The following MAST2 variants were observed in gnomAD, a reference collection of about 807,000 sequenced individuals.
MAST2 encodes microtubule associated serine/threonine kinase 2, also known as microtubule-associated serine/threonine-protein kinase 2.
Under a neutral mutation model 147.4 loss-of-function variants are expected in MAST2, and 70 were observed. The ratio of observed to expected loss-of-function variants is 0.47; its 90% CI spans 0.39 to 0.58. MAST2 has a LOEUF of 0.58. Among genes scored for constraint, MAST2 ranks in the 20% least tolerant of loss-of-function variants. The probability of loss-of-function intolerance (pLI) is 0.00; values close to 1 mark genes in which losing one functional copy is unlikely to be tolerated. For synonymous variants in MAST2, 869 were observed against 896.8 expected (o/e 0.97, Z 0.55); for missense variants, 2,080 against 2,302.3 (o/e 0.90, Z 1.98).
At position 46,023,581 on chromosome 1, in the gene MAST2, A is replaced by G; in HGVS notation, c.1572-191A>G. On this transcript the variant is annotated intron_variant, in intron 14 of 28. Transcript: ENST00000361297. This position sits in a 1 kb window ranked among gnomAD's most constrained non-coding sequence, Gnocchi z 4.9. ...TGGGGAAGCATTGAGCCGTGTCATCAGGACATGGTCTATCAAGAAGTTTAA... is the reference window on the plus strand; with the variant it reads ...TGGGGAAGCATTGAGCCGTGTCATCGGGACATGGTCTATCAAGAAGTTTAA... 1.6e-6 allele frequency: 1 copy of G among 631,136 alleles called. No homozygotes were observed. Among genetic ancestry groups the G allele is most frequent in the Non-Finnish European group, 2.8e-6 (1 of 359,990 alleles). 39.1% of individuals were successfully genotyped at this position (631,136 alleles called of 1,614,324 possible). A position where few individuals can be genotyped will look rare whatever the true frequency, so the allele number is the denominator to read the frequency against.
intron 8 of MAST2, among the ~76,000 whole-genome samples, chr1:46,007,565 A>T (rs1343510602): frequency 1.3e-5 from 2 of 152,216 alleles, no homozygotes; most frequent in African/African-American, 4.8e-5. Flanking sequence ...ATTCCAGGGA[A>T]GAAAGACAGA....
intron 4 of MAST2, among the ~76,000 whole-genome samples, chr1:45,912,597 C>T (rs1328739798): frequency 6.6e-6 from 1 of 152,170 alleles, no homozygotes; most frequent in African/African-American, 2.4e-5. Flanking sequence ...CTAGAAAAAA[C>T]AGTTTGATAC....
intron 5 of MAST2, among the ~76,000 whole-genome samples, chr1:45,963,117 G>A (rs1299179666): frequency 6.6e-6 from 1 of 152,106 alleles, no homozygotes; most frequent in Non-Finnish European, 1.5e-5. Context: ...TGTTCCATTG[G>A]TCGATATCTC....
chr1:45,978,739 A>G (rs886944186), intron 5 of MAST2, among the ~76,000 whole-genome samples: 1 of 152,188 alleles, frequency 6.6e-6, no homozygotes. Context: ...AAACGGACAC[A>G]TATTATATAA....
intron 18 of MAST2, chr1:46,029,236 A>T: frequency 1.8e-6 from 1 of 549,372 alleles, no homozygotes; most frequent in Non-Finnish European, 3.2e-6. Flanking sequence ...TGTTTTGTGG[A>T]GTATAAAAGC....
chr1:45,913,890 T>C (rs1181929411), intron 4 of MAST2: 1 of 1,234,562 alleles, frequency 8.1e-7, no homozygotes. Context: ...GTAAGGAGGT[T>C]GGGGTCTCTA....
chr1:45,910,431 T>G (rs1269740293), intron 4 of MAST2, among the ~76,000 whole-genome samples: 1 of 152,232 alleles, frequency 6.6e-6, no homozygotes, highest in Non-Finnish European at 1.5e-5. Flanking sequence ...TTTATAAAAA[T>G]AAATTGTAAT....
intron 4 of MAST2, among the ~76,000 whole-genome samples, chr1:45,911,390 C>T (rs557233405): frequency 2.6e-5 from 4 of 152,260 alleles, no homozygotes; most frequent in African/African-American, 4.8e-5. Flanking sequence ...TAAGGAGCTC[C>T]GTGTTCTCTC....
At chr1:45,996,802 C>T (rs1645075315) in intron 5 of MAST2, among the ~76,000 whole-genome samples, 1 of 152,064 alleles carries the variant, frequency 6.6e-6, no homozygotes, top group Non-Finnish European at 1.5e-5. Context: ...TTTTTGGCAA[C>T]TTGGAACATC....
chr1:45,900,135 A>G (rs1176450225), intron 4 of MAST2, among the ~76,000 whole-genome samples: 3 of 133,014 alleles, frequency 2.3e-5, no homozygotes, highest in African/African-American at 5.8e-5. Context: ...GTGCCACTGC[A>G]CTCCAGCCTG....
intron 4 of MAST2, among the ~76,000 whole-genome samples, chr1:45,893,354 C>T (rs1648170409): frequency 6.6e-6 from 1 of 151,988 alleles, no homozygotes; most frequent in Non-Finnish European, 1.5e-5. Flanking sequence ...GCATGCATCA[C>T]CATGCCCAGC....
At chr1:45,818,929 AT>A (rs1415050519) in intron 1 of MAST2, among the ~76,000 whole-genome samples, 1 of 152,230 alleles carries the variant, frequency 6.6e-6, no homozygotes, top group Non-Finnish European at 1.5e-5. Flanking sequence ...GAACATTAAA[AT>A]GATGTATAAT....
At chr1:45,991,534 A>G (rs1644855095) in intron 5 of MAST2, among the ~76,000 whole-genome samples, 1 of 152,136 alleles carries the variant, frequency 6.6e-6, no homozygotes, top group Non-Finnish European at 1.5e-5. Context: ...TCATTTATTT[A>G]GATCTTTGAT....
intron 5 of MAST2, among the ~76,000 whole-genome samples, chr1:45,977,660 C>G (rs1300264784): frequency 1.3e-5 from 2 of 151,736 alleles, no homozygotes; most frequent in Non-Finnish European, 2.9e-5. Flanking sequence ...ATTAGCCAAG[C>G]ATGGTGGCAT....
rs371435168 is a variant in MAST2 at position 46,031,235 on chromosome 1, G to T, written c.2937G>T (p.Glu979Asp). The T allele has an allele frequency of 1.3e-6, 2 of 1,541,944 alleles. No homozygotes were observed. The highest frequency in any genetic ancestry group is 8.8e-7 in the Non-Finnish European group (1 of 1,141,522). Residue 979 changes from glutamate (E) to aspartate (D), a missense_variant, in exon 23 of 29, where the codon GAG becomes GAT. Glu to Asp is a conservative substitution (Grantham distance 45, BLOSUM62 2). Around this residue, in one of 4 missense-constraint regions of MAST2, gnomAD observed 1,278 missense variants for 1,304.2 expected, o/e 0.98. Transcript: ENST00000361297. The surrounding 1 kb of genome is among the most constrained non-coding windows in gnomAD (Gnocchi z 4.1). The part of the protein sequence containing the change: ...VSGPVTEHSG[E>D]QRPKLDEEAV... ...GGCCTGTCACTGAACACTCAGGGGA[G>T]CAGCGGCCAAAGCTGGATGAGGAAG...
chr1:45,845,943 G>T lies in MAST2; in HGVS notation c.468+16362G>T, dbSNP rs375222772. Reference sequence around the variant, plus strand: ...GCCCGGCTAGTTTTTTGCATTTTTAGTAGAGACGGGGTTTCACTGTGTTAG... The same window carrying T: ...GCCCGGCTAGTTTTTTGCATTTTTATTAGAGACGGGGTTTCACTGTGTTAG... On this transcript the variant is annotated intron_variant, in intron 3 of 28. Transcript: ENST00000361297. Among the ~76,000 whole-genome samples, 9 of 152,184 alleles carry T rather than the reference G, an allele frequency of 5.9e-5. 1 individual carries two copies. The South Asian group carries it at 1.7e-3, about 28-fold the overall frequency.
chr1:45,916,818 C>G (rs548312721), intron 4 of MAST2, among the ~76,000 whole-genome samples: 3 of 152,154 alleles, frequency 2.0e-5, no homozygotes, highest in Non-Finnish European at 4.4e-5. Flanking sequence ...TGGCTTACAT[C>G]TGTAATCCCA....
intron 28 of MAST2, 97 bp downstream of exon 28, chr1:46,034,363 A>G (rs1447344063): frequency 2.1e-6 from 3 of 1,402,878 alleles, no homozygotes; most frequent in Non-Finnish European, 2.9e-6. Context: ...TGAGTCTCTC[A>G]TTTAGCCCAC....
chr1:45,964,032 A>G (rs1285481628), intron 5 of MAST2, among the ~76,000 whole-genome samples: 1 of 152,192 alleles, frequency 6.6e-6, no homozygotes, highest in Admixed American at 6.5e-5. Flanking sequence ...TGATTTGCGT[A>G]TGTTGAACCA....
Sources: allele counts gnomAD v4.1 joint callset (sites outside exome capture counted in the v4.1 genomes callset), GRCh38; gene constraint gnomAD v4.1.1; regional missense constraint gnomAD v4.1.1; non-coding constraint Gnocchi (gnomAD v3.1); transcripts MANE v1.5; gene names NCBI Gene and HGNC (gene_info 2026-07-23, HGNC 2026-07-21).